The following TNRC6C variants were observed in gnomAD, a reference collection of about 807,000 sequenced individuals.
TNRC6C encodes trinucleotide repeat containing adaptor 6C.
Under a neutral mutation model 153.7 loss-of-function variants are expected in TNRC6C, and 20 were observed. The ratio of observed to expected loss-of-function variants is 0.13; its 90% CI spans 0.09 to 0.19. The LOEUF is 0.19. TNRC6C is among the 10% of genes least tolerant of loss of function. The pLI, the probability that TNRC6C is intolerant of heterozygous loss-of-function variation, is 1.00. For synonymous variants in TNRC6C, 811 were observed against 841.4 expected (o/e 0.96, Z 0.63); for missense variants, 1,987 against 2,172.0 (o/e 0.91, Z 1.69).
In TNRC6C at chr17:78,049,100, A is replaced by G. The variant is rs1393042773; in HGVS notation, c.38A>G (p.His13Arg). Reference sequence around the variant, plus strand: ...AGTGCCCAGGGCAACTTCACTGGACATACCAAGAAGACAAATGGCAATAAT... The same window carrying G: ...AGTGCCCAGGGCAACTTCACTGGACGTACCAAGAAGACAAATGGCAATAAT... Residue 13 changes from histidine (H) to arginine (R), a missense_variant, in exon 3 of 20, where the codon CAT becomes CGT. His to Arg is a conservative substitution (Grantham distance 29). Coordinates refer to ENST00000301624, the Ensembl canonical transcript of TNRC6C. The surrounding 1 kb of genome is among the most constrained non-coding windows in gnomAD (Gnocchi z 4.1). 3 of 1,574,626 alleles carry G rather than the reference A, an allele frequency of 1.9e-6. No homozygotes were observed. The highest frequency in any genetic ancestry group is 2.6e-6 in the Non-Finnish European group (3 of 1,159,392).
intron 12 of TNRC6C, 102 bp downstream of exon 14, chr17:78,086,688 C>G: frequency 2.6e-6 from 4 of 1,556,344 alleles, no homozygotes; most frequent in Non-Finnish European, 3.5e-6. Flanking sequence ...TTTTCTCTAG[C>G]CAAGCCTTCC....
At chr17:78,032,557 C>G (rs2072097230) in intron 2 of TNRC6C, among the ~76,000 whole-genome samples, 1 of 152,208 alleles carries the variant, frequency 6.6e-6, no homozygotes, top group African/African-American at 2.4e-5. Context: ...GCCATGTTCT[C>G]TGTTAGATTC....
At chr17:78,082,171 T>C (rs1312958056) in intron 10 of TNRC6C, among the ~76,000 whole-genome samples, 1 of 149,080 alleles carries the variant, frequency 6.7e-6, no homozygotes, top group Non-Finnish European at 1.5e-5. Context: ...ACACACGAGA[T>C]AGTGAAAGCT....
At chr17:78,022,916 A>G (rs1006765575) in intron 1 of TNRC6C, among the ~76,000 whole-genome samples, 2 of 152,246 alleles carry the variant, frequency 1.3e-5, no homozygotes, top group African/African-American at 4.8e-5. Flanking sequence ...ATTATTCCAT[A>G]AACAATACAG....
chr17:77,980,371 TCTCA>T (rs1466006171), intron 1 of TNRC6C, among the ~76,000 whole-genome samples: 5 of 152,190 alleles, frequency 3.3e-5, no homozygotes, highest in Non-Finnish European at 7.3e-5. Flanking sequence ...TTTCCTCGGC[TCTCA>T]CTCTACAACA....
At chr17:78,085,539 A>C (rs546382762) in intron 11 of TNRC6C, among the ~76,000 whole-genome samples, 1 of 152,190 alleles carries the variant, frequency 6.6e-6, no homozygotes, top group Non-Finnish European at 1.5e-5. Flanking sequence ...TAAGAAAAAA[A>C]ATCATGATAT....
At chr17:78,082,908 C>G (rs1267438869) in intron 10 of TNRC6C, 139 bp from the exon 13 acceptor site, 1 of 1,008,962 alleles carries the variant, frequency 9.9e-7, no homozygotes, top group African/African-American at 1.6e-5. Flanking sequence ...AGCATTTCAT[C>G]TTTTATTCCA....
intron 1 of TNRC6C, among the ~76,000 whole-genome samples, chr17:78,025,652 A>C (rs1297626919): frequency 1.3e-5 from 2 of 151,970 alleles, no homozygotes; most frequent in Non-Finnish European, 2.9e-5. Context: ...TATCAGGAAA[A>C]TATATATATA....
At chr17:77,960,179 A>G (rs1195626284) in intron 1 of TNRC6C, among the ~76,000 whole-genome samples, 1 of 152,182 alleles carries the variant, frequency 6.6e-6, no homozygotes, top group Non-Finnish European at 1.5e-5. Context: ...GCCTCCGCCA[A>G]ATGAAACCTC....
upstream of TNRC6C, among the ~76,000 whole-genome samples, chr17:77,958,358 G>A (rs912310508): frequency 1.3e-5 from 2 of 151,932 alleles, no homozygotes; most frequent in African/African-American, 4.8e-5. Flanking sequence ...TAACCCCCCC[G>A]AGCAGTGCAA....
chr17:77,986,328 T>C (rs113493525), intron 1 of TNRC6C, among the ~76,000 whole-genome samples: 6,444 of 151,106 alleles, frequency 0.043, 443 homozygotes, highest in African/African-American at 0.15. Flanking sequence ...GGCAGGAGAA[T>C]CGTTTGAACG....
Position 78,054,655 on chromosome 17 carries a change from CAGACTACTGTACGCTACTGG to C in TNRC6C, c.2395+3208_2395+3227del, listed in dbSNP as rs1204906919. Among the ~76,000 whole-genome samples the C allele has an allele frequency of 2.0e-5, 3 of 151,262 alleles. No homozygotes were observed. In the East Asian group the frequency reaches 5.9e-4, roughly 30 times the overall value. ...CACTGCAGACTACTGCACACCACTG[CAGACTACTGTACGCTACTGG>C]AGACTACTGCAGACTACTGTAGACT... is the stretch of plus-strand genomic sequence containing the variant. On this transcript the variant is annotated intron_variant, in intron 3 of 19. Transcript: ENST00000301624.
chr17:78,041,417 G>A (rs2072292272), intron 2 of TNRC6C, among the ~76,000 whole-genome samples: 1 of 152,266 alleles, frequency 6.6e-6, no homozygotes, highest in African/African-American at 2.4e-5. Context: ...AGCCTCCTTT[G>A]CCCCCAGTTT....
chr17:78,014,281 A>G (rs76903877), intron 1 of TNRC6C, among the ~76,000 whole-genome samples: 1 of 152,324 alleles, frequency 6.6e-6, no homozygotes, highest in East Asian at 1.9e-4. Flanking sequence ...CTCTACACCC[A>G]GTGGACTTTC....
At chr17:78,081,812 G>A (rs1389626235) in intron 10 of TNRC6C, among the ~76,000 whole-genome samples, 1 of 152,136 alleles carries the variant, frequency 6.6e-6, no homozygotes, top group Admixed American at 6.6e-5. Context: ...TGTCCCAAAT[G>A]GCAAGGCATC....
Position 78,067,981 on chromosome 17 carries a change from A to G in TNRC6C, c.2778+58A>G, listed in dbSNP as rs944494722. The G allele has an allele frequency of 2.6e-6, 4 of 1,532,054 alleles. No individual in the cohort carries two copies. In the Admixed American group the frequency reaches 6.4e-5, roughly 24 times the overall value. 94.9% of individuals were successfully genotyped at this position (1,532,054 alleles called of 1,614,324 possible). On this transcript the variant is annotated intron_variant, in intron 5 of 19. Coordinates refer to ENST00000301624, the Ensembl canonical transcript of TNRC6C. Reference sequence around the variant, plus strand: ...TGAAAACCAAAGGTACTTCAGACACATTCAGTATCCAGTTAATCAGACAAA... The same window carrying G: ...TGAAAACCAAAGGTACTTCAGACACGTTCAGTATCCAGTTAATCAGACAAA...
intron 1 of TNRC6C, among the ~76,000 whole-genome samples, chr17:77,973,385 AAT>A (rs1456045104): frequency 6.6e-6 from 1 of 152,262 alleles, no homozygotes; most frequent in Non-Finnish European, 1.5e-5. Flanking sequence ...AAAACACAGT[AAT>A]ATTATACGGA....
chr17:77,979,479 G>GA (rs1170650755), intron 1 of TNRC6C, among the ~76,000 whole-genome samples: 1 of 152,012 alleles, frequency 6.6e-6, no homozygotes, highest in African/African-American at 2.4e-5. Flanking sequence ...CTTAGCTGAA[G>GA]AAAAAATTAG....
At chr17:78,107,320 CTG>C (rs1189900826) in exon 20 of TNRC6C, 1 of 152,036 alleles carries the variant, frequency 6.6e-6, no homozygotes, top group Non-Finnish European at 1.5e-5. Context: ...GTCTGTAACT[CTG>C]AGATTAAACA....
Sources: gnomAD v4.1 joint callset for allele counts (sites outside exome capture counted in the v4.1 genomes callset) on GRCh38, gnomAD v4.1.1 for gene constraint, Gnocchi (gnomAD v3.1) non-coding constraint, MANE v1.5 for transcripts, NCBI Gene and HGNC (gene_info 2026-07-23, HGNC 2026-07-21) for gene names.